Variants in KCNJ6 observed in about 807,000 individuals in gnomAD.
The protein encoded by KCNJ6 is G protein-activated inward rectifier potassium channel 2.
Under a neutral mutation model 34.2 loss-of-function variants are expected in KCNJ6, and 9 were observed. The observed-to-expected ratio is 0.26, with a 90% CI of 0.16 to 0.46. KCNJ6 has a LOEUF of 0.46. KCNJ6 is among the 20% of genes least tolerant of loss of function. KCNJ6 has a pLI of 1.00. For synonymous variants in KCNJ6, 196 were observed against 207.1 expected (o/e 0.95, Z 0.46); for missense variants, 236 against 531.3 (o/e 0.44, Z 5.46).
intron 2 of KCNJ6, among the ~76,000 whole-genome samples, chr21:37,745,502 A>G (rs2054963398): frequency 6.6e-6 from 1 of 152,142 alleles, no homozygotes; most frequent in Non-Finnish European, 1.5e-5. Flanking sequence ...GGGAAAGGAA[A>G]GGAAGTGGAT....
intron 1 of KCNJ6, among the ~76,000 whole-genome samples, chr21:37,871,688 C>T (rs546016251): frequency 1.3e-5 from 2 of 152,270 alleles, no homozygotes; most frequent in Admixed American, 6.5e-5. Flanking sequence ...ATGAGTAAAC[C>T]GGCAGACAGA....
chr21:37,787,702 G>A (rs1279670243), intron 2 of KCNJ6, among the ~76,000 whole-genome samples: 1 of 152,150 alleles, frequency 6.6e-6, no homozygotes, highest in East Asian at 1.9e-4. Flanking sequence ...AATGCCATGG[G>A]AATCTAATAC....
At chr21:37,869,005 G>A (rs1489355946) in intron 1 of KCNJ6, among the ~76,000 whole-genome samples, 1 of 152,274 alleles carries the variant, frequency 6.6e-6, no homozygotes, top group Non-Finnish European at 1.5e-5. Flanking sequence ...CCCATTGCCT[G>A]TTGGGCAAGA....
At chr21:37,701,522 C>G (rs999237715) in intron 3 of KCNJ6, among the ~76,000 whole-genome samples, 3 of 152,142 alleles carry the variant, frequency 2.0e-5, no homozygotes, top group African/African-American at 7.2e-5. Flanking sequence ...CTCTCTGTAC[C>G]TATGTATCCA....
At chr21:37,670,783 A>G (rs949466875) in intron 3 of KCNJ6, among the ~76,000 whole-genome samples, 3 of 152,234 alleles carry the variant, frequency 2.0e-5, no homozygotes, top group Non-Finnish European at 4.4e-5. Flanking sequence ...AAAACAAAAC[A>G]AAGCAAAAAT....
Position 37,614,501 on chromosome 21 carries a change from C to CGTGTGTGTGT in KCNJ6, c.*10657_*10658insACACACACAC, listed in dbSNP as rs879773437. The CGTGTGTGTGT allele has an allele frequency of 0.46, 40,034 of 87,538 alleles. 6,076 individuals are homozygous for CGTGTGTGTGT. Among genetic ancestry groups the CGTGTGTGTGT allele is most frequent in the Non-Finnish European group, 0.49 (20,032 of 40,732 alleles). The allele number at this position is 87,538 out of a possible 1,614,324, so 5.4% of individuals were successfully genotyped here. The stretch of plus-strand genomic sequence containing the variant: ...ATGCATGTGTCTGTGTGCGTGTATG[C>CGTGTGTGTGT]ATGTGTCTCTGTATGCATGTGTGTA... On this transcript the variant is annotated 3_prime_UTR_variant, in exon 4 of 4. Transcript: ENST00000609713.
chr21:37,877,690 A>T (rs2055685764), intron 1 of KCNJ6, among the ~76,000 whole-genome samples: 1 of 151,784 alleles, frequency 6.6e-6, no homozygotes, highest in African/African-American at 2.4e-5. Context: ...GTATTTCCCC[A>T]CCTACAGTCG....
intron 3 of KCNJ6, among the ~76,000 whole-genome samples, chr21:37,697,343 G>A (rs1301143091): frequency 6.6e-6 from 1 of 152,172 alleles, no homozygotes; most frequent in East Asian, 1.9e-4. Flanking sequence ...ACCTTACAGG[G>A]TGTGAAGAAT....
intron 2 of KCNJ6, among the ~76,000 whole-genome samples, chr21:37,740,427 C>G (rs1438445169): frequency 6.6e-6 from 1 of 152,204 alleles, no homozygotes; most frequent in East Asian, 1.9e-4. Context: ...TTCTATTGAT[C>G]CCAGGTCTTT....
rs1157928311 is a variant in KCNJ6, at chr21:37,612,262, A to G, written c.*12897T>C. 3 of 152,260 alleles carry G rather than the reference A, an allele frequency of 2.0e-5. No homozygotes were observed. Among genetic ancestry groups the G allele is most frequent in the Non-Finnish European group, 4.4e-5 (3 of 68,032 alleles). 9.4% of individuals were successfully genotyped at this position (152,260 alleles called of 1,614,324 possible). A position where few individuals can be genotyped will look rare whatever the true frequency, so the allele number is the denominator to read the frequency against. ...TTAAAAGCACATGATTATTTAAATT[A>G]GTATCCCTTGAAATGAAGTACTTAA... On this transcript the variant is annotated 3_prime_UTR_variant, in exon 4 of 4. Transcript: ENST00000609713.
At chr21:37,654,371 C>T (rs1270604586) in intron 3 of KCNJ6, among the ~76,000 whole-genome samples, 1 of 151,306 alleles carries the variant, frequency 6.6e-6, no homozygotes, top group Non-Finnish European at 1.5e-5. Context: ...GATTGGTCTT[C>T]TACCTTCTTG....
At position 37,608,065 on chromosome 21, in the gene KCNJ6, A is replaced by C. The variant is rs532919290; in HGVS notation, c.*17094T>G. The C allele has an allele frequency of 1.3e-5, 2 of 152,352 alleles. No individual in the cohort carries two copies. Among genetic ancestry groups the C allele is most frequent in the Admixed American group, 1.3e-4 (2 of 15,308 alleles). 9.4% of individuals were successfully genotyped at this position (152,352 alleles called of 1,614,324 possible). On this transcript the variant is annotated 3_prime_UTR_variant, in exon 4 of 4. Coordinates refer to ENST00000609713, the MANE Select transcript of KCNJ6 (RefSeq NM_002240.5). ...AAATTATTTTTTAATTCAATACTAA[A>C]GACTTCAGAGCCTTTAAGATGCAAT...
intron 2 of KCNJ6, among the ~76,000 whole-genome samples, chr21:37,758,714 T>A (rs2055044508): frequency 6.6e-6 from 1 of 152,142 alleles, no homozygotes; most frequent in South Asian, 2.1e-4. Flanking sequence ...GATAGCTCAC[T>A]GCAACCTTGA....
At chr21:37,739,744 C>A (rs2054930733) in intron 2 of KCNJ6, among the ~76,000 whole-genome samples, 2 of 151,880 alleles carry the variant, frequency 1.3e-5, no homozygotes, top group African/African-American at 2.4e-5. Context: ...TATGTTGATG[C>A]CATGCATGAT....
intron 3 of KCNJ6, among the ~76,000 whole-genome samples, chr21:37,627,726 T>C (rs2054317656): frequency 6.6e-6 from 1 of 152,164 alleles, no homozygotes; most frequent in South Asian, 2.1e-4. Context: ...GCTGTGCACA[T>C]GCCCAAGAAA....
chr21:37,751,410 C>T (rs571597634), intron 2 of KCNJ6, among the ~76,000 whole-genome samples: 1 of 152,348 alleles, frequency 6.6e-6, no homozygotes, highest in African/African-American at 2.4e-5. Flanking sequence ...ACACTGGGAC[C>T]AGGGAGAGCA....
rs112692610 is a variant in KCNJ6 at position 37,719,103 on chromosome 21, C to T, written c.26-3972G>A. Among the ~76,000 whole-genome samples the T allele has an allele frequency of 8.0e-3, 1,214 of 151,664 alleles. 19 individuals carry two copies. The highest frequency in any genetic ancestry group is 0.028 in the African/African-American group (1,141 of 41,298). On this transcript the variant is annotated intron_variant, in intron 2 of 3. Coordinates refer to ENST00000609713, the MANE Select transcript of KCNJ6 (RefSeq NM_002240.5). ...GAGAGAAGAGATGAAGGAGGAGCCCCGAGGGGCCAGGAGGAGGAGAGGGTG... is the reference window on the plus strand; with the variant it reads ...GAGAGAAGAGATGAAGGAGGAGCCCTGAGGGGCCAGGAGGAGGAGAGGGTG...
intron 2 of KCNJ6, among the ~76,000 whole-genome samples, chr21:37,815,558 C>CT (rs2055342781): frequency 1.3e-5 from 2 of 152,140 alleles, no homozygotes; most frequent in South Asian, 4.1e-4. Flanking sequence ...AGGGCTGAGC[C>CT]CCCATAGTGG....
intron 2 of KCNJ6, among the ~76,000 whole-genome samples, chr21:37,754,728 C>T (rs1476752588): frequency 1.3e-5 from 2 of 152,138 alleles, no homozygotes; most frequent in East Asian, 3.9e-4. Flanking sequence ...GGTGAGGTGT[C>T]CTGGCTGGGT....
Sources: gnomAD v4.1 joint callset for allele counts (sites outside exome capture counted in the v4.1 genomes callset) on GRCh38, gnomAD v4.1.1 for gene constraint, MANE v1.5 for transcripts, NCBI Gene and HGNC (gene_info 2026-07-23, HGNC 2026-07-21) for gene names.